SYNJ1: variants seen among roughly 807,000 people sequenced by gnomAD.
The protein encoded by SYNJ1 is polyphosphatidylinositol phosphatase SYNJ1.
SYNJ1 carries 78 observed loss-of-function variants against 168.2 expected under a neutral mutation model. That is an observed-to-expected ratio of 0.46 (90% confidence interval 0.39 to 0.56). The LOEUF (loss-of-function observed/expected upper bound fraction) is 0.56, where lower values mean the gene tolerates loss of function less well. Ranked by LOEUF, SYNJ1 falls within the 20% of genes least tolerant of loss-of-function variation. The probability of loss-of-function intolerance (pLI) is 0.00; values close to 1 mark genes in which losing one functional copy is unlikely to be tolerated. For missense variants in SYNJ1, 1,303 were observed against 1,597.6 expected (o/e 0.82, Z 3.14); for synonymous variants, 539 against 548.6 (o/e 0.98, Z 0.24).
Position 32,641,934 on chromosome 21 carries a change from C to T in SYNJ1, c.3550G>A (p.Ala1184Thr). 1 of 1,613,874 alleles carries T rather than the reference C, an allele frequency of 6.2e-7. No homozygotes were observed. The highest frequency in any genetic ancestry group is 8.5e-7 in the Non-Finnish European group (1 of 1,179,902). The change falls in exon 29 of 33, where the codon GCA becomes ACA. Residue 1184 changes from alanine (A) to threonine (T), a missense_variant. Around this residue, in one of 2 missense-constraint regions of SYNJ1, gnomAD observed 383 missense variants for 388.8 expected, o/e 0.99. Transcript: ENST00000674351. ...RSQPSPQAGL[A>T]GPGPAGYSTA... ...CTGTATCCAGCAGGTCCTGGGCCTG[C>T]AAGTCCTGCTTGAGGTGAAGGCTGA... is the stretch of plus-strand genomic sequence containing the variant.
intron 7 of SYNJ1, 59 bp from the exon 8 acceptor site, chr21:32,687,133 A>G (rs2041863028): frequency 2.3e-6 from 2 of 862,110 alleles, no homozygotes; most frequent in Admixed American, 6.6e-5. Flanking sequence ...TTTTTTCAAT[A>G]AACAATAATC....
At chr21:32,632,531 G>A (rs1410813828) in intron 32 of SYNJ1, among the ~76,000 whole-genome samples, 5 of 152,002 alleles carry the variant, frequency 3.3e-5, no homozygotes, top group Admixed American at 6.5e-5. Flanking sequence ...GACTACAGGC[G>A]TGTGCCACCA....
intron 21 of SYNJ1, among the ~76,000 whole-genome samples, chr21:32,656,256 A>C (rs921014406): frequency 7.9e-5 from 12 of 152,020 alleles, no homozygotes; most frequent in Non-Finnish European, 1.8e-4. Context: ...ACATGGTGAA[A>C]CCCTGCCTCT....
chr21:32,701,867 G>C, intron 3 of SYNJ1, 94 bp downstream of exon 3: 1 of 845,134 alleles, frequency 1.2e-6, no homozygotes, highest in Non-Finnish European at 1.8e-6. Flanking sequence ...TAAATATGGA[G>C]TCTACAATAA....
chr21:32,707,864 A>C (rs577406782), intron 2 of SYNJ1, among the ~76,000 whole-genome samples: 15 of 152,264 alleles, frequency 9.9e-5, no homozygotes, highest in African/African-American at 3.4e-4. Flanking sequence ...TAAAAATACA[A>C]AAATTAGGTG....
chr21:32,678,305 T>C lies in SYNJ1; in HGVS notation c.1510+340A>G, dbSNP rs186977408. On this transcript the variant is annotated intron_variant, in intron 12 of 32. Transcript: ENST00000674351. ...TTTCCCAGTAAAGCATTTTTCTGCA[T>C]AATTAGATTATTAAATGCTGTATTA... Among the ~76,000 whole-genome samples, 7 of 152,322 alleles carry C rather than the reference T, an allele frequency of 4.6e-5. No individual in the cohort carries two copies. The East Asian group carries it at 1.3e-3, about 29-fold the overall frequency.
At chr21:32,722,321 C>G (rs1286227088) in intron 2 of SYNJ1, among the ~76,000 whole-genome samples, 2 of 151,250 alleles carry the variant, frequency 1.3e-5, no homozygotes, top group Non-Finnish European at 2.9e-5. Context: ...GAGGCCAAGG[C>G]AGGTGGATCA....
intron 11 of SYNJ1, among the ~76,000 whole-genome samples, chr21:32,679,640 T>G (rs920057917): frequency 6.6e-6 from 1 of 152,146 alleles, no homozygotes; most frequent in African/African-American, 2.4e-5. Flanking sequence ...AACTCAAGGC[T>G]TCTTTTTAGA....
chr21:32,645,690 G>A lies in SYNJ1; in HGVS notation c.3347C>T (p.Pro1116Leu), dbSNP rs765746949. ...CTGTGGGGGAGCCGGGCGTGTGGGA[G>A]GGGCGACCGGGCGGGGCGGCGGCGG... The part of the protein sequence containing the change: ...KRPPPPRPVA[P>L]PTRPAPPQRP... The change falls in exon 25 of 33, where the codon CCT becomes CTT. Residue 1116 changes from proline (P) to leucine (L), a missense_variant. Around this residue, in one of 2 missense-constraint regions of SYNJ1, gnomAD observed 383 missense variants for 388.8 expected, o/e 0.99. Transcript: ENST00000674351. 4.7e-5 allele frequency: 71 copies of A among 1,499,640 alleles called. No homozygotes were observed. The Middle Eastern group carries it at 2.2e-3, about 47-fold the overall frequency. The allele number at this position is 1,499,640 out of a possible 1,614,324, so 92.9% of individuals were successfully genotyped here. A position where few individuals can be genotyped will look rare whatever the true frequency, so the allele number is the denominator to read the frequency against.
chr21:32,688,659 T>G (rs1381702961), intron 6 of SYNJ1, among the ~76,000 whole-genome samples: 1 of 152,214 alleles, frequency 6.6e-6, no homozygotes, highest in Non-Finnish European at 1.5e-5. Context: ...TGTTTTCATA[T>G]ATGGTACTTT....
At chr21:32,668,007 A>ATGTG (rs1448068510) in intron 15 of SYNJ1, among the ~76,000 whole-genome samples, 2 of 96,032 alleles carry the variant, frequency 2.1e-5, no homozygotes, top group African/African-American at 9.1e-5. Flanking sequence ...AGAAGAATAT[A>ATGTG]TATGTGTGTG....
chr21:32,643,123 A>C (rs997402842), intron 27 of SYNJ1, among the ~76,000 whole-genome samples: 1 of 152,220 alleles, frequency 6.6e-6, no homozygotes, highest in Non-Finnish European at 1.5e-5. Flanking sequence ...AGACATTCTT[A>C]AACAGTAATT....
intron 2 of SYNJ1, among the ~76,000 whole-genome samples, chr21:32,704,285 C>T (rs2042520572): frequency 6.6e-6 from 1 of 152,136 alleles, no homozygotes; most frequent in Non-Finnish European, 1.5e-5. Context: ...AAACAGGATA[C>T]ACACACACCC....
At chr21:32,674,933 A>G (rs1239043951) in intron 13 of SYNJ1, among the ~76,000 whole-genome samples, 2 of 152,200 alleles carry the variant, frequency 1.3e-5, no homozygotes, top group South Asian at 2.1e-4. Flanking sequence ...GCTGATTTAG[A>G]TAAGTATATC....
chr21:32,685,419 C>T (rs921552674), intron 9 of SYNJ1, among the ~76,000 whole-genome samples: 33 of 120,372 alleles, frequency 2.7e-4, no homozygotes, highest in Non-Finnish European at 5.0e-4. Flanking sequence ...AGACCCCCGT[C>T]TCTACCAAAA....
chr21:32,666,637 A>C, intron 15 of SYNJ1, 64 bp from the exon 16 acceptor site: 1 of 1,506,206 alleles, frequency 6.6e-7, no homozygotes, highest in Non-Finnish European at 9.0e-7. Context: ...ATTTTATGAC[A>C]ATTGTCAATT....
chr21:32,708,226 G>T (rs1167379816), intron 2 of SYNJ1, among the ~76,000 whole-genome samples: 1 of 152,138 alleles, frequency 6.6e-6, no homozygotes, highest in African/African-American at 2.4e-5. Context: ...GAAGTGGCAG[G>T]GTGTGTGGGG....
At chr21:32,632,323 G>A (rs767235838) in intron 32 of SYNJ1, among the ~76,000 whole-genome samples, 6 of 151,504 alleles carry the variant, frequency 4.0e-5, no homozygotes, top group East Asian at 1.9e-4. Context: ...TTCCTAAGAC[G>A]AAGACTCCAT....
At chr21:32,632,064 A>G (rs2039351094) in intron 32 of SYNJ1, among the ~76,000 whole-genome samples, 1 of 152,222 alleles carries the variant, frequency 6.6e-6, no homozygotes, top group East Asian at 1.9e-4. Flanking sequence ...CATTCATGCA[A>G]GTTTTGAAAT....
Sources: allele counts gnomAD v4.1 joint callset (sites outside exome capture counted in the v4.1 genomes callset), GRCh38; gene constraint gnomAD v4.1.1; regional missense constraint gnomAD v4.1.1; transcripts MANE v1.5; gene names NCBI Gene and HGNC (gene_info 2026-07-23, HGNC 2026-07-21).